The following RASSF2 variants were observed in gnomAD, a reference collection of about 807,000 sequenced individuals.
RASSF2 encodes the protein ras association domain-containing protein 2.
Under a neutral mutation model 46.3 loss-of-function variants are expected in RASSF2, and 34 were observed. That is an observed-to-expected ratio of 0.73 (90% CI 0.56 to 0.98). The LOEUF is 0.98. Among genes scored for constraint, RASSF2 ranks in the 50% least tolerant of loss-of-function variants. The pLI is 0.00. For missense variants in RASSF2, 364 were observed against 431.2 expected (o/e 0.84, Z 1.38); for synonymous variants, 158 against 162.5 (o/e 0.97, Z 0.21).
intron 8 of RASSF2, among the ~76,000 whole-genome samples, chr20:4,788,622 C>T (rs953023501): frequency 2.0e-5 from 3 of 152,216 alleles, no homozygotes; most frequent in Non-Finnish European, 4.4e-5. Context: ...CAAACCTATA[C>T]AGCATGTTAC....
In RASSF2 at chr20:4,812,512, C is replaced by A. The variant is rs919289055; in HGVS notation, c.-33+9817G>T. 2.6e-5 allele frequency among the ~76,000 whole-genome samples: 4 copies of A among 152,198 alleles called. No homozygotes were observed. The highest frequency in any genetic ancestry group is 2.9e-5 in the Non-Finnish European group (2 of 68,038). ...TTCAGCCAAAAATCAGCCAACCCAA[C>A]TGTATTCTGGAGGAGAGGTTCTCCC... On this transcript the variant is annotated intron_variant, in intron 2 of 11. Transcript: ENST00000379400. This position sits in a 1 kb window ranked among gnomAD's most constrained non-coding sequence, Gnocchi z 4.0.
rs1267926118 is a variant in RASSF2, at chr20:4,812,230, C to T, written c.-33+10099G>A. Reference sequence around the variant, plus strand: ...GGAAGGAAATGGCATACTCTGCCTTCTGCCTTCCTGCTTTATGGAACAGAA... The same window carrying T: ...GGAAGGAAATGGCATACTCTGCCTTTTGCCTTCCTGCTTTATGGAACAGAA... On this transcript the variant is annotated intron_variant, in intron 2 of 11. Transcript: ENST00000379400. This position sits in a 1 kb window ranked among gnomAD's most constrained non-coding sequence, Gnocchi z 4.0. 6.6e-6 allele frequency among the ~76,000 whole-genome samples: 1 copy of T among 152,224 alleles called. No homozygotes were observed. Among genetic ancestry groups the T allele is most frequent in the African/African-American group, 2.4e-5 (1 of 41,456 alleles).
intron 9 of RASSF2, among the ~76,000 whole-genome samples, 194 bp from the exon 10 acceptor site, chr20:4,787,948 C>A (rs571900163): frequency 4.2e-4 from 64 of 152,116 alleles, no homozygotes; most frequent in Non-Finnish European, 4.4e-4. Context: ...TACCACCATG[C>A]CTCAAACTCC....
rs116771746 is a variant in RASSF2 at position 4,801,644 on chromosome 20, C to T, written c.-32-582G>A. 4.9e-3 allele frequency among the ~76,000 whole-genome samples: 739 copies of T among 152,264 alleles called. 9 individuals are homozygous for T. Among genetic ancestry groups the T allele is most frequent in the African/African-American group, 0.017 (717 of 41,540 alleles). ...TAAGTATAAAATATGCATATACATA[C>T]ACACATTTACATGTATAAATATTTA... is the stretch of plus-strand genomic sequence containing the variant. On this transcript the variant is annotated intron_variant, in intron 2 of 11. Coordinates refer to ENST00000379400, the MANE Select transcript of RASSF2 (RefSeq NM_014737.3).
chr20:4,788,813 CTA>C (rs1925595422), intron 8 of RASSF2, among the ~76,000 whole-genome samples: 2 of 152,198 alleles, frequency 1.3e-5, no homozygotes, highest in Non-Finnish European at 2.9e-5. Flanking sequence ...TAGATAACAG[CTA>C]TCGTCTATTG....
intron 2 of RASSF2, among the ~76,000 whole-genome samples, chr20:4,814,202 T>C (rs1439617728): frequency 1.3e-5 from 2 of 152,170 alleles, no homozygotes; most frequent in Non-Finnish European, 2.9e-5. Flanking sequence ...GCCTGAGGCC[T>C]GTGTCCCCAA....
chr20:4,814,962 C>G (rs544416443), intron 2 of RASSF2: 1 of 152,400 alleles, frequency 6.6e-6, no homozygotes, highest in East Asian at 1.9e-4. Flanking sequence ...TATCAAACCT[C>G]TGTACACCCG....
chr20:4,805,620 C>A (rs1215461909), intron 2 of RASSF2, among the ~76,000 whole-genome samples: 2 of 152,110 alleles, frequency 1.3e-5, no homozygotes, highest in East Asian at 1.9e-4. Context: ...GGGATGTGAT[C>A]TGATGTACAT....
At chr20:4,785,928 G>T (rs1925294232) in intron 11 of RASSF2, among the ~76,000 whole-genome samples, 2 of 152,158 alleles carry the variant, frequency 1.3e-5, no homozygotes, top group Non-Finnish European at 2.9e-5. Flanking sequence ...CCCTATTTCT[G>T]CATCTAGACC....
Position 4,782,693 on chromosome 20 carries a change from A to G in RASSF2, c.*1580T>C, listed in dbSNP as rs1924948839. 6.6e-6 allele frequency: 1 copy of G among 152,446 alleles called. No homozygotes were observed. Among genetic ancestry groups the G allele is most frequent in the African/African-American group, 2.4e-5 (1 of 41,456 alleles). 9.4% of individuals were successfully genotyped at this position (152,446 alleles called of 1,614,324 possible). ...GCCCAGGGCAGAAACGTCTCCACCA[A>G]AAAAGTCCACCTTCCTTTGGAGGCA... On this transcript the variant is annotated 3_prime_UTR_variant, in exon 12 of 12. Transcript: ENST00000379400.
At chr20:4,802,914 A>T (rs201406078) in intron 2 of RASSF2, among the ~76,000 whole-genome samples, 31,261 of 95,354 alleles carry the variant, frequency 0.33, 5,553 homozygotes, top group African/African-American at 0.55. Flanking sequence ...ATATATATAT[A>T]TTTTTTTTTT....
At chr20:4,803,109 C>T (rs1207047008) in intron 2 of RASSF2, among the ~76,000 whole-genome samples, 6 of 151,822 alleles carry the variant, frequency 4.0e-5, no homozygotes. Context: ...TGGGGTTTTG[C>T]CATGTTGCCC....
chr20:4,814,061 C>T (rs951929029), intron 2 of RASSF2, among the ~76,000 whole-genome samples: 1 of 152,164 alleles, frequency 6.6e-6, no homozygotes, highest in African/African-American at 2.4e-5. Flanking sequence ...ACAAGACACT[C>T]CCTGACCTGC....
At chr20:4,798,123 C>G in intron 3 of RASSF2, 38 bp from the exon 4 acceptor site, 1 of 1,610,440 alleles carries the variant, frequency 6.2e-7, no homozygotes, top group Non-Finnish European at 8.5e-7. Flanking sequence ...ACATTATCAG[C>G]TGAAGCCACT....
chr20:4,808,953 G>C (rs1401676069), intron 2 of RASSF2, among the ~76,000 whole-genome samples: 1 of 152,150 alleles, frequency 6.6e-6, no homozygotes, highest in Non-Finnish European at 1.5e-5. Context: ...TAACCACAAA[G>C]CATGTCTGCC....
rs1165971700 is a variant in RASSF2, at chr20:4,801,036, C to T, written c.-6G>A. 4 of 1,613,550 alleles carry T rather than the reference C, an allele frequency of 2.5e-6. No individual in the cohort carries two copies. Among genetic ancestry groups the T allele is most frequent in the Non-Finnish European group, 3.4e-6 (4 of 1,179,558 alleles). On this transcript the variant is annotated 5_prime_UTR_variant, in exon 3 of 12. Coordinates refer to ENST00000379400, the MANE Select transcript of RASSF2 (RefSeq NM_014737.3). ...GTTTGGTGGCTGTAGTCCATTCTTCCTTTCTCTTTTCATCGGAAGGAGAGG... is the reference window on the plus strand; with the variant it reads ...GTTTGGTGGCTGTAGTCCATTCTTCTTTTCTCTTTTCATCGGAAGGAGAGG...
At chr20:4,796,072 C>A (rs2423005) in intron 4 of RASSF2, 106 bp from the exon 5 acceptor site, 513,075 of 1,295,164 alleles carry the variant, frequency 0.4, 102,115 homozygotes, top group Admixed American at 0.47. Context: ...GGCTGGGGGC[C>A]CCCAGACTGT....
rs1307970119 is a variant in RASSF2, at chr20:4,790,930, T to C, written c.377-319A>G. On this transcript the variant is annotated intron_variant, in intron 6 of 11. Transcript: ENST00000379400. This position sits in a 1 kb window ranked among gnomAD's most constrained non-coding sequence, Gnocchi z 4.3. The stretch of plus-strand genomic sequence containing the variant: ...TAATAATAACACCCACCTCAGAGGG[T>C]TGCTGAGGGTTTAAATGAGTTAGTA... Among the ~76,000 whole-genome samples, 4 of 151,872 alleles carry C rather than the reference T, an allele frequency of 2.6e-5. No individual in the cohort carries two copies. The highest frequency in any genetic ancestry group is 1.9e-4 in the East Asian group (1 of 5,182).
chr20:4,804,333 C>CGA (rs2122584401), intron 2 of RASSF2, among the ~76,000 whole-genome samples: 1 of 147,896 alleles, frequency 6.8e-6, no homozygotes, highest in African/African-American at 2.5e-5. Flanking sequence ...AAAGGAAAGT[C>CGA]GAGCTAGTGA....
Sources: gnomAD v4.1 joint callset for allele counts (sites outside exome capture counted in the v4.1 genomes callset) on GRCh38, gnomAD v4.1.1 for gene constraint, Gnocchi (gnomAD v3.1) non-coding constraint, MANE v1.5 for transcripts, NCBI Gene and HGNC (gene_info 2026-07-23, HGNC 2026-07-21) for gene names.